The following FBXO4 variants were observed in gnomAD, a reference collection of about 807,000 sequenced individuals.
The protein encoded by FBXO4 is F-box only protein 4.
In FBXO4, 36 loss-of-function variants were observed where a neutral mutation model predicts 43.7. The observed-to-expected ratio is 0.82, with a 90% CI of 0.63 to 1.09. The LOEUF (loss-of-function observed/expected upper bound fraction) is 1.09. Ranked by LOEUF, FBXO4 falls within the 50% of genes least tolerant of loss-of-function variation. The pLI is 0.00. For missense variants in FBXO4, 435 were observed against 474.1 expected (o/e 0.92, Z 0.77); for synonymous variants, 180 against 165.6 (o/e 1.09, Z -0.67).
intron 2 of FBXO4, among the ~76,000 whole-genome samples, chr5:41,929,107 G>C (rs1401461548): frequency 1.3e-5 from 2 of 152,084 alleles, no homozygotes; most frequent in Non-Finnish European, 2.9e-5. Flanking sequence ...TTTTTGGTTT[G>C]TTTGTTTTTT....
the FBXO4 span, among the ~76,000 whole-genome samples, chr5:41,966,101 A>G: frequency 6.6e-6 from 1 of 152,144 alleles, no homozygotes; most frequent in Non-Finnish European, 1.5e-5. Flanking sequence ...GAACAATGAG[A>G]ACACATGGAC....
chr5:41,948,529 A>T, the FBXO4 span, among the ~76,000 whole-genome samples: 1 of 151,918 alleles, frequency 6.6e-6, no homozygotes, highest in Non-Finnish European at 1.5e-5. Flanking sequence ...ATACTACTTT[A>T]CATATAACGA....
intron 3 of FBXO4, among the ~76,000 whole-genome samples, chr5:41,930,743 C>G (rs1751663221): frequency 6.6e-6 from 1 of 151,570 alleles, no homozygotes; most frequent in Non-Finnish European, 1.5e-5. Context: ...TCTCGGCTCA[C>G]TGCCAGCTCC....
the FBXO4 span, among the ~76,000 whole-genome samples, chr5:41,978,808 G>T: frequency 6.6e-6 from 1 of 151,634 alleles, no homozygotes; most frequent in Admixed American, 6.6e-5. Flanking sequence ...TGTGGACTTT[G>T]ACCAAGATTC....
chr5:41,950,539 C>T, the FBXO4 span, among the ~76,000 whole-genome samples: 10 of 152,142 alleles, frequency 6.6e-5, no homozygotes, highest in Non-Finnish European at 1.3e-4. Flanking sequence ...GTTAGAACAG[C>T]AATCATTACA....
chr5:41,994,359 G>T, the FBXO4 span, among the ~76,000 whole-genome samples: 1 of 152,180 alleles, frequency 6.6e-6, no homozygotes, highest in Non-Finnish European at 1.5e-5. Flanking sequence ...AAATACTCAT[G>T]ACAATTACAG....
the FBXO4 span, among the ~76,000 whole-genome samples, chr5:42,013,298 G>T: frequency 1.3e-5 from 2 of 152,046 alleles, no homozygotes; most frequent in African/African-American, 4.8e-5. Flanking sequence ...AGATTGTTAG[G>T]AAAGAAAGGT....
chr5:41,997,911 A>G, the FBXO4 span, among the ~76,000 whole-genome samples: 7 of 152,178 alleles, frequency 4.6e-5, no homozygotes, highest in African/African-American at 1.7e-4. Context: ...TTCTAGGCCT[A>G]TAAACTGGCT....
the FBXO4 span, among the ~76,000 whole-genome samples, chr5:41,987,222 C>A: frequency 6.6e-6 from 1 of 152,068 alleles, no homozygotes; most frequent in Non-Finnish European, 1.5e-5. Context: ...AAAGCTTTAT[C>A]TTAAGTAAAA....
chr5:41,967,814 C>T, the FBXO4 span: 502 of 606,104 alleles, frequency 8.3e-4, 2 homozygotes, highest in South Asian at 6.7e-3. Context: ...AGGCCATCTA[C>T]ATTACCATCA....
chr5:42,014,318 G>A, the FBXO4 span, among the ~76,000 whole-genome samples: 1,108 of 152,226 alleles, frequency 7.3e-3, 10 homozygotes, highest in African/African-American at 0.025. Flanking sequence ...AATGAGAACC[G>A]TTTTCAGGAA....
At chr5:41,999,490 TATAC>T in the FBXO4 span, among the ~76,000 whole-genome samples, 128 of 78,466 alleles carry the variant, frequency 1.6e-3, no homozygotes, top group Non-Finnish European at 2.8e-3. Flanking sequence ...CATATATATA[TATAC>T]ATATATATAT....
At chr5:41,935,102 T>G (rs1168621324) in intron 5 of FBXO4, 1 of 985,200 alleles carries the variant, frequency 1.0e-6, no homozygotes, top group African/African-American at 1.7e-5. Flanking sequence ...ATAAGTTCAT[T>G]TAACAAATAG....
chr5:42,004,373 G>A, the FBXO4 span, among the ~76,000 whole-genome samples: 2 of 152,108 alleles, frequency 1.3e-5, no homozygotes, highest in Non-Finnish European at 2.9e-5. Flanking sequence ...GAGAAAGTGG[G>A]TAATTTTCTT....
At chr5:41,966,386 A>G in the FBXO4 span, among the ~76,000 whole-genome samples, 1 of 152,238 alleles carries the variant, frequency 6.6e-6, no homozygotes, top group Non-Finnish European at 1.5e-5. Flanking sequence ...AACTTTAACA[A>G]TGAAGTTAAA....
At chr5:42,030,998 G>C in the FBXO4 span, among the ~76,000 whole-genome samples, 3 of 152,094 alleles carry the variant, frequency 2.0e-5, no homozygotes, top group African/African-American at 7.2e-5. Context: ...GAACACTTTT[G>C]CACTGTTGGT....
the FBXO4 span, among the ~76,000 whole-genome samples, chr5:41,995,491 T>C: frequency 6.6e-6 from 1 of 152,198 alleles, no homozygotes; most frequent in Non-Finnish European, 1.5e-5. Context: ...TCAGCCTTGG[T>C]GAGTGGAAAT....
At chr5:41,968,935 A>T in the FBXO4 span, among the ~76,000 whole-genome samples, 1 of 152,044 alleles carries the variant, frequency 6.6e-6, no homozygotes, top group Non-Finnish European at 1.5e-5. Flanking sequence ...TCCCATGGAA[A>T]TTTTCAGTTT....
At chr5:41,989,747 C>A in the FBXO4 span, among the ~76,000 whole-genome samples, 1 of 152,170 alleles carries the variant, frequency 6.6e-6, no homozygotes, top group East Asian at 1.9e-4. Flanking sequence ...AATAGCTCCC[C>A]ATTGCTTCCC....
Sources: gnomAD v4.1 joint callset for allele counts (sites outside exome capture counted in the v4.1 genomes callset) on GRCh38, gnomAD v4.1.1 for gene constraint, MANE v1.5 for transcripts, NCBI Gene and HGNC (gene_info 2026-07-23, HGNC 2026-07-21) for gene names.